The following CD247 variants were observed in gnomAD, a reference collection of about 807,000 sequenced individuals.
CD247 encodes T-cell surface glycoprotein CD3 zeta chain.
Under a neutral mutation model 30.0 loss-of-function variants are expected in CD247, and 13 were observed. That is an observed-to-expected ratio of 0.43 (90% CI 0.28 to 0.69). The LOEUF (loss-of-function observed/expected upper bound fraction) is 0.69, where lower values mean the gene tolerates loss of function less well. CD247 is among the 30% of genes least tolerant of loss of function. The probability of loss-of-function intolerance (pLI) is 0.16; values close to 1 mark genes in which losing one functional copy is unlikely to be tolerated. For missense variants in CD247, 193 were observed against 212.6 expected, an observed-to-expected ratio of 0.91 and a Z score of 0.57; for synonymous variants, 72 against 80.0, an observed-to-expected ratio of 0.90 and a Z score of 0.53.
Position 167,434,246 on chromosome 1 carries a change from C to A in CD247, c.337-170G>T, listed in dbSNP as rs559429804. On this transcript the variant is annotated intron_variant, in intron 5 of 7. Coordinates refer to ENST00000362089, the MANE Select transcript of CD247 (RefSeq NM_198053.3). ...GCACACAAACTTCTCTGCCCACAAC[C>A]AGCTCCAGCCCACCCCCCTCATCCT... The A allele has an allele frequency of 7.1e-5, 49 of 686,678 alleles. No homozygotes were observed. In the African/African-American group the frequency reaches 8.3e-4, roughly 12 times the overall value. The allele number at this position is 686,678 out of a possible 1,614,324, so 42.5% of individuals were successfully genotyped here.
At chr1:167,467,294 T>C (rs1042508200) in intron 1 of CD247, among the ~76,000 whole-genome samples, 2 of 152,246 alleles carry the variant, frequency 1.3e-5, no homozygotes, top group Admixed American at 6.5e-5. Flanking sequence ...TAACATAATC[T>C]GCTTTTCTGC....
chr1:167,440,378 C>T, intron 2 of CD247: 1 of 485,182 alleles, frequency 2.1e-6, no homozygotes, highest in Non-Finnish European at 3.8e-6. Context: ...CCTTTGTCAC[C>T]AGTAGCATCG....
intron 1 of CD247, among the ~76,000 whole-genome samples, chr1:167,450,163 C>T (rs1420890538): frequency 2.6e-5 from 4 of 152,208 alleles, no homozygotes; most frequent in East Asian, 1.9e-4. Flanking sequence ...CAGCTTCATT[C>T]CTAAAGCTTT....
chr1:167,510,579 T>C (rs936534711), intron 1 of CD247, among the ~76,000 whole-genome samples: 1 of 152,182 alleles, frequency 6.6e-6, no homozygotes, highest in African/African-American at 2.4e-5. Flanking sequence ...GCCTGTCTTT[T>C]CTACTCTTTC....
chr1:167,488,918 C>A (rs897477818), intron 1 of CD247, among the ~76,000 whole-genome samples: 2 of 152,052 alleles, frequency 1.3e-5, no homozygotes, highest in Non-Finnish European at 2.9e-5. Flanking sequence ...GGAGGGCCTG[C>A]CAGGAGGGTT....
intron 1 of CD247, among the ~76,000 whole-genome samples, chr1:167,471,458 A>G (rs1182020303): frequency 2.0e-5 from 3 of 152,226 alleles, no homozygotes; most frequent in Non-Finnish European, 4.4e-5. Context: ...AAAACAACTC[A>G]ACCTACCCAG....
intron 1 of CD247, among the ~76,000 whole-genome samples, chr1:167,474,999 G>A (rs982634701): frequency 6.6e-6 from 1 of 151,884 alleles, no homozygotes; most frequent in Non-Finnish European, 1.5e-5. Flanking sequence ...TGATCCACCC[G>A]CCTCAGCCTC....
intron 1 of CD247, among the ~76,000 whole-genome samples, chr1:167,455,227 A>C (rs1353732631): frequency 6.6e-6 from 1 of 152,208 alleles, no homozygotes; most frequent in Non-Finnish European, 1.5e-5. Context: ...TTTTAAAGAG[A>C]CGAGCTTCAG....
chr1:167,511,239 C>T (rs1020967939), intron 1 of CD247, among the ~76,000 whole-genome samples: 2 of 152,088 alleles, frequency 1.3e-5, no homozygotes, highest in Admixed American at 6.5e-5. Flanking sequence ...CACATAAAAC[C>T]TTTCACACCA....
At chr1:167,431,780 G>A (rs780527443) in intron 7 of CD247, 34 bp from the exon 8 acceptor site, 1 of 1,598,446 alleles carries the variant, frequency 6.3e-7, no homozygotes, top group Non-Finnish European at 8.6e-7. Flanking sequence ...ACAAAGAGTG[G>A]GTCAGTAGCC....
At chr1:167,505,287 GATACGGTTTACATACC>G (rs1655069531) in intron 1 of CD247, among the ~76,000 whole-genome samples, 1 of 152,008 alleles carries the variant, frequency 6.6e-6, no homozygotes, top group Non-Finnish European at 1.5e-5. Context: ...TTGTTGTTGA[GATACGGTTTACATACC>G]ATAAGACATT....
intron 1 of CD247, among the ~76,000 whole-genome samples, chr1:167,451,964 T>C (rs2102011612): frequency 6.6e-6 from 1 of 152,360 alleles, no homozygotes; most frequent in African/African-American, 2.4e-5. Context: ...GGCTCATGCC[T>C]GTATTCCCAG....
At chr1:167,517,892 C>T (rs1027670809) in intron 1 of CD247, among the ~76,000 whole-genome samples, 2 of 152,190 alleles carry the variant, frequency 1.3e-5, no homozygotes, top group Non-Finnish European at 2.9e-5. Flanking sequence ...CACTTACTCC[C>T]GGGCCCATTG....
chr1:167,465,778 C>A (rs77500522), intron 1 of CD247, among the ~76,000 whole-genome samples: 3,506 of 152,302 alleles, frequency 0.023, 143 homozygotes, highest in African/African-American at 0.08. Flanking sequence ...GGCTGCCAGA[C>A]ACTTCTGAGC....
chr1:167,501,287 G>A (rs1401563370), intron 1 of CD247, among the ~76,000 whole-genome samples: 2 of 151,610 alleles, frequency 1.3e-5, no homozygotes, highest in Non-Finnish European at 2.9e-5. Context: ...TCAAACTCCC[G>A]ACCTCGGGTG....
At chr1:167,500,161 G>A (rs1654847001) in intron 1 of CD247, among the ~76,000 whole-genome samples, 1 of 152,160 alleles carries the variant, frequency 6.6e-6, no homozygotes, top group Non-Finnish European at 1.5e-5. Context: ...TGACCTAAAT[G>A]AGATTATTGC....
intron 1 of CD247, chr1:167,458,495 C>T (rs1161849620): frequency 6.6e-6 from 1 of 152,286 alleles, no homozygotes; most frequent in Non-Finnish European, 1.5e-5. Context: ...TGCCAGGTTT[C>T]TGCGGGGGCC....
At position 167,474,755 on chromosome 1, in the gene CD247, T is replaced by TC. The variant is rs1248590322; in HGVS notation, c.59-33989_59-33988insG. On this transcript the variant is annotated intron_variant, in intron 1 of 7. Coordinates refer to ENST00000362089, the MANE Select transcript of CD247 (RefSeq NM_198053.3). ...GACTGCCATGGGTTAAAACTGTCTT[T>TC]TTTTTTTTTTTTTTTTTTGACGGAG... Among the ~76,000 whole-genome samples, 12 of 147,574 alleles carry TC rather than the reference T, an allele frequency of 8.1e-5. No individual in the cohort carries two copies. The East Asian group carries it at 2.3e-3, about 29-fold the overall frequency.
In CD247 at chr1:167,494,469, G is replaced by A. The variant is rs1475567483; in HGVS notation, c.58+23939C>T. Among the ~76,000 whole-genome samples the A allele has an allele frequency of 6.6e-6, 1 of 152,134 alleles. No homozygotes were observed. The highest frequency in any genetic ancestry group is 6.5e-5 in the Admixed American group (1 of 15,286). The stretch of plus-strand genomic sequence containing the variant: ...CGGGAGAAATCGCATAGCTCCCTGG[G>A]CTGCAGTTTTCCCATCTGTGATATG... On this transcript the variant is annotated intron_variant, in intron 1 of 7. Transcript: ENST00000362089. This position sits in a 1 kb window ranked among gnomAD's most constrained non-coding sequence, Gnocchi z 7.3.
Sources: gnomAD v4.1 joint callset for allele counts (sites outside exome capture counted in the v4.1 genomes callset) on GRCh38, gnomAD v4.1.1 for gene constraint, Gnocchi (gnomAD v3.1) non-coding constraint, MANE v1.5 for transcripts, NCBI Gene and HGNC (gene_info 2026-07-23, HGNC 2026-07-21) for gene names.